Variants in PLPPR5 observed in about 807,000 individuals in gnomAD.
The protein encoded by PLPPR5 is phospholipid phosphatase related 5.
PLPPR5 carries 16 observed loss-of-function variants against 33.9 expected under a neutral mutation model. The ratio of observed to expected loss-of-function variants is 0.47; its 90% CI spans 0.32 to 0.72. The LOEUF (loss-of-function observed/expected upper bound fraction) is 0.72. PLPPR5 is among the 30% of genes least tolerant of loss of function. The probability of loss-of-function intolerance (pLI) is 0.03; values close to 1 mark genes in which losing one functional copy is unlikely to be tolerated. For missense variants in PLPPR5, 301 were observed against 406.7 expected, an observed-to-expected ratio of 0.74 and a Z score of 2.23; for synonymous variants, 163 against 150.3, an observed-to-expected ratio of 1.08 and a Z score of -0.62.
At chr1:98,964,697 A>G (rs1247585172) in intron 1 of PLPPR5, among the ~76,000 whole-genome samples, 2 of 151,952 alleles carry the variant, frequency 1.3e-5, no homozygotes, top group African/African-American at 4.8e-5. Context: ...CCCTCAAACA[A>G]CCTCCAAGGA....
intron 1 of PLPPR5, among the ~76,000 whole-genome samples, chr1:98,981,840 T>C (rs1365047603): frequency 6.6e-6 from 1 of 152,082 alleles, no homozygotes; most frequent in African/African-American, 2.4e-5. Context: ...AAATCCTGAA[T>C]TTCAATGAAC....
chr1:98,998,169 T>C (rs770082223), intron 1 of PLPPR5, among the ~76,000 whole-genome samples: 4 of 151,692 alleles, frequency 2.6e-5, no homozygotes, highest in Admixed American at 6.6e-5. Flanking sequence ...TCAGTATGAG[T>C]GAAAGTATCT....
intron 3 of PLPPR5, among the ~76,000 whole-genome samples, chr1:98,935,760 G>A (rs1650150397): frequency 6.6e-6 from 1 of 152,208 alleles, no homozygotes; most frequent in Non-Finnish European, 1.5e-5. Context: ...TCTGGCAGGT[G>A]CATGTTGATT....
intron 3 of PLPPR5, among the ~76,000 whole-genome samples, chr1:98,937,955 G>C (rs1275503615): frequency 1.3e-5 from 2 of 152,094 alleles, no homozygotes; most frequent in African/African-American, 4.8e-5. Context: ...AATAAATACT[G>C]CATTACACAT....
intron 1 of PLPPR5, among the ~76,000 whole-genome samples, chr1:98,993,627 C>CA (rs1004477711): frequency 5.9e-5 from 9 of 151,962 alleles, no homozygotes; most frequent in Admixed American, 2.0e-4. Context: ...TTTAGGGGTT[C>CA]ATTTTAAATT....
intron 4 of PLPPR5, among the ~76,000 whole-genome samples, chr1:98,919,347 G>C (rs1386536770): frequency 6.6e-6 from 1 of 152,184 alleles, no homozygotes; most frequent in African/African-American, 2.4e-5. Context: ...CTGGGTGACT[G>C]GGTGGTCTGG....
chr1:98,964,147 C>G (rs1436530335), intron 1 of PLPPR5, among the ~76,000 whole-genome samples: 1 of 152,178 alleles, frequency 6.6e-6, no homozygotes, highest in Admixed American at 6.5e-5. Context: ...TATGAGATTT[C>G]CAGGTCACAG....
intron 1 of PLPPR5, among the ~76,000 whole-genome samples, chr1:98,968,312 G>A (rs187671514): frequency 6.6e-5 from 10 of 152,136 alleles, no homozygotes; most frequent in African/African-American, 2.2e-4. Flanking sequence ...TTCCTCAAAA[G>A]AGCGAGCTTA....
chr1:98,981,111 T>A (rs1652047066), intron 1 of PLPPR5, among the ~76,000 whole-genome samples: 1 of 152,068 alleles, frequency 6.6e-6, no homozygotes, highest in African/African-American at 2.4e-5. Flanking sequence ...TATTATATTT[T>A]TTCTCTTTAG....
At chr1:98,958,329 C>T (rs148875779) in intron 1 of PLPPR5, among the ~76,000 whole-genome samples, 1 of 152,158 alleles carries the variant, frequency 6.6e-6, no homozygotes, top group East Asian at 1.9e-4. Flanking sequence ...ACTTTTACCC[C>T]AGTGTGAATA....
In PLPPR5 at chr1:98,938,081, G is replaced by T. The variant is rs1017215017; in HGVS notation, c.621+14989C>A. ...TCATAGAGGGTGGGAATCATTTGTG[G>T]CTTTTGCTCCATTTAGTGTCTCCAG... On this transcript the variant is annotated intron_variant, in intron 3 of 5. Coordinates refer to ENST00000263177, the MANE Select transcript of PLPPR5 (RefSeq NM_001037317.2). 2.0e-5 allele frequency among the ~76,000 whole-genome samples: 3 copies of T among 151,772 alleles called. No homozygotes were observed. In the East Asian group the frequency reaches 5.8e-4, roughly 29 times the overall value.
chr1:98,996,790 T>C (rs1206793345), intron 1 of PLPPR5, among the ~76,000 whole-genome samples: 1 of 152,170 alleles, frequency 6.6e-6, no homozygotes, highest in Non-Finnish European at 1.5e-5. Context: ...TTTTTATGTT[T>C]GGTTGTAACT....
In PLPPR5 at chr1:98,979,896, T is replaced by C. The variant is rs145426589; in HGVS notation, c.238-23155A>G. On this transcript the variant is annotated intron_variant, in intron 1 of 5. Transcript: ENST00000263177. ...CTGCCTTGCCTCTCAGCATCCTGGT[T>C]CCAGGCTGCCCTCATATCCGTAACT... Among the ~76,000 whole-genome samples, 54 of 152,178 alleles carry C rather than the reference T, an allele frequency of 3.5e-4. 1 individual carries two copies. Among genetic ancestry groups the C allele is most frequent in the African/African-American group, 1.3e-3 (54 of 41,552 alleles).
At chr1:98,910,322 G>C (rs1044547799) in intron 5 of PLPPR5, among the ~76,000 whole-genome samples, 11 of 152,084 alleles carry the variant, frequency 7.2e-5, no homozygotes, top group South Asian at 4.1e-4. Flanking sequence ...GAAGAATTTT[G>C]CATTTACTTG....
At chr1:98,941,512 G>T (rs1214939522) in intron 3 of PLPPR5, among the ~76,000 whole-genome samples, 1 of 150,828 alleles carries the variant, frequency 6.6e-6, no homozygotes, top group Non-Finnish European at 1.5e-5. Flanking sequence ...TCAAAGATGC[G>T]ACGGTAGCTT....
intron 3 of PLPPR5, among the ~76,000 whole-genome samples, chr1:98,930,418 A>G (rs1649922050): frequency 6.6e-6 from 1 of 152,158 alleles, no homozygotes; most frequent in Non-Finnish European, 1.5e-5. Context: ...ATGATCTACT[A>G]TGTACATAAT....
At chr1:98,915,862 T>A (rs1372403444) in intron 4 of PLPPR5, among the ~76,000 whole-genome samples, 4 of 152,166 alleles carry the variant, frequency 2.6e-5, no homozygotes, top group Non-Finnish European at 5.9e-5. Flanking sequence ...AAATAATGAA[T>A]TAAACATACC....
At chr1:98,975,177 G>A (rs527553938) in intron 1 of PLPPR5, among the ~76,000 whole-genome samples, 19 of 152,144 alleles carry the variant, frequency 1.2e-4, no homozygotes, top group East Asian at 7.8e-4. Context: ...CCTTGACTGC[G>A]TCCGTGCCTC....
chr1:98,955,176 G>T (rs1369843633), intron 2 of PLPPR5, among the ~76,000 whole-genome samples: 1 of 152,030 alleles, frequency 6.6e-6, no homozygotes, highest in Non-Finnish European at 1.5e-5. Context: ...ACTTATTACA[G>T]CTAGAAACAT....
Sources: gnomAD v4.1 joint callset for allele counts (sites outside exome capture counted in the v4.1 genomes callset) on GRCh38, gnomAD v4.1.1 for gene constraint, MANE v1.5 for transcripts, NCBI Gene and HGNC (gene_info 2026-07-23, HGNC 2026-07-21) for gene names.